COL25A1: variants seen among roughly 807,000 people sequenced by gnomAD.
COL25A1 encodes the protein collagen alpha-1(XXV) chain.
A neutral mutation model predicts 128.4 loss-of-function variants in COL25A1; 103 were observed. That is an observed-to-expected ratio of 0.80 (90% CI 0.68 to 0.94). The LOEUF is 0.94. Among genes scored for constraint, COL25A1 ranks in the 40% least tolerant of loss-of-function variants. The probability of loss-of-function intolerance (pLI) is 0.00; values close to 1 mark genes in which losing one functional copy is unlikely to be tolerated. For synonymous variants in COL25A1, 279 were observed against 277.2 expected, an observed-to-expected ratio of 1.01 and a Z score of -0.06; for missense variants, 745 against 840.0, an observed-to-expected ratio of 0.89 and a Z score of 1.40.
At chr4:108,851,013 G>T (rs74433941) in intron 26 of COL25A1, among the ~76,000 whole-genome samples, 1 of 151,916 alleles carries the variant, frequency 6.6e-6, no homozygotes, top group Non-Finnish European at 1.5e-5. Flanking sequence ...GACAATTTTG[G>T]TTCTGGAGTC....
At chr4:109,130,746 CCT>C (rs1220820140) in intron 3 of COL25A1, among the ~76,000 whole-genome samples, 4 of 152,082 alleles carry the variant, frequency 2.6e-5, no homozygotes, top group Non-Finnish European at 4.4e-5. Context: ...GAAAGAGGGA[CCT>C]AAAAAACTAA....
chr4:109,126,916 T>TA lies in COL25A1; in HGVS notation c.368-76738dup, dbSNP rs1004794893. Reference sequence around the variant, plus strand: ...AAAACTTAAAGTATAATAATAAAATTAAAAAAAAAAAGAAACGTCTCTCTT... The same window carrying TA: ...AAAACTTAAAGTATAATAATAAAATTAAAAAAAAAAAAGAAACGTCTCTCTT... On this transcript the variant is annotated intron_variant, in intron 3 of 37. Transcript: ENST00000399132. Among the ~76,000 whole-genome samples, 787 of 144,196 alleles carry TA rather than the reference T, an allele frequency of 5.5e-3. 4 individuals are homozygous for TA. The highest frequency in any genetic ancestry group is 0.016 in the African/African-American group (621 of 39,568). The allele number at this position is 144,196 out of a possible 152,430, so 94.6% of individuals were successfully genotyped here. A position where few individuals can be genotyped will look rare whatever the true frequency, so the allele number is the denominator to read the frequency against.
At chr4:109,299,377 T>C (rs1725294428) in intron 3 of COL25A1, among the ~76,000 whole-genome samples, 1 of 152,232 alleles carries the variant, frequency 6.6e-6, no homozygotes, top group Non-Finnish European at 1.5e-5. Flanking sequence ...TCTGTTTTTC[T>C]GGTACCTAAC....
chr4:109,076,399 A>G (rs954416679), intron 3 of COL25A1, among the ~76,000 whole-genome samples: 13 of 152,162 alleles, frequency 8.5e-5, no homozygotes, highest in African/African-American at 3.1e-4. Context: ...TTAATGTATT[A>G]ATCAATTTAT....
intron 3 of COL25A1, among the ~76,000 whole-genome samples, chr4:109,140,187 C>T (rs1039391640): frequency 4.6e-5 from 7 of 152,130 alleles, no homozygotes; most frequent in Admixed American, 3.3e-4. Flanking sequence ...GGTATATACC[C>T]AGTAATGGGA....
chr4:108,825,373 A>G (rs1466703708), intron 33 of COL25A1, 151 bp from the exon 34 acceptor site: 2 of 687,342 alleles, frequency 2.9e-6, no homozygotes, highest in East Asian at 5.2e-5. Flanking sequence ...AGTGACTGTT[A>G]GTGTTGCAGT....
intron 24 of COL25A1, among the ~76,000 whole-genome samples, chr4:108,855,590 C>T (rs529979256): frequency 1.9e-3 from 295 of 152,132 alleles, no homozygotes; most frequent in Non-Finnish European, 3.5e-3. Context: ...ATTCATTTTT[C>T]ACCTGAACAT....
intron 6 of COL25A1, among the ~76,000 whole-genome samples, chr4:108,990,643 A>G (rs1051468545): frequency 2.0e-5 from 3 of 152,314 alleles, no homozygotes; most frequent in East Asian, 3.9e-4. Flanking sequence ...ATATCAAGTC[A>G]TTATGGCTCT....
intron 6 of COL25A1, among the ~76,000 whole-genome samples, chr4:108,997,325 A>G (rs1754880641): frequency 6.6e-6 from 1 of 152,224 alleles, no homozygotes; most frequent in Non-Finnish European, 1.5e-5. Flanking sequence ...ACAAACTACC[A>G]TCAGAGAATA....
chr4:109,138,966 C>T (rs1770108434), intron 3 of COL25A1, among the ~76,000 whole-genome samples: 1 of 152,166 alleles, frequency 6.6e-6, no homozygotes, highest in African/African-American at 2.4e-5. Flanking sequence ...CTCGGCCTCC[C>T]AAAGTGCTGG....
chr4:108,810,951 T>C lies in COL25A1; in HGVS notation c.*2976A>G, dbSNP rs1459694047. The C allele has an allele frequency of 6.6e-6, 1 of 152,020 alleles. No homozygotes were observed. Among genetic ancestry groups the C allele is most frequent in the Non-Finnish European group, 1.5e-5 (1 of 67,892 alleles). 9.4% of individuals were successfully genotyped at this position (152,020 alleles called of 1,614,324 possible). On this transcript the variant is annotated 3_prime_UTR_variant, in exon 38 of 38. Coordinates refer to ENST00000399132, the MANE Select transcript of COL25A1 (RefSeq NM_198721.4). ...ACCAACCAACATAAATGAAAAACAA[T>C]TTTAAATCTAAAACACATATCAATT...
intron 5 of COL25A1, among the ~76,000 whole-genome samples, chr4:109,043,566 A>T (rs1429468922): frequency 7.2e-6 from 1 of 139,818 alleles, no homozygotes; most frequent in Non-Finnish European, 1.5e-5. Flanking sequence ...TGATAGACTG[A>T]TACAAATAAA....
At chr4:108,870,363 AG>A (rs751181109) in intron 19 of COL25A1, among the ~76,000 whole-genome samples, 5 of 152,066 alleles carry the variant, frequency 3.3e-5, no homozygotes, top group African/African-American at 4.8e-5. Context: ...GGGGAACAAA[AG>A]GATATCACCA....
intron 6 of COL25A1, among the ~76,000 whole-genome samples, chr4:108,978,534 G>A (rs1034221239): frequency 6.6e-6 from 1 of 151,282 alleles, no homozygotes; most frequent in Non-Finnish European, 1.5e-5. Context: ...TAAAATTGGG[G>A]TATTAATTTT....
intron 6 of COL25A1, among the ~76,000 whole-genome samples, chr4:108,990,836 T>G (rs923486344): frequency 6.6e-6 from 1 of 152,198 alleles, no homozygotes; most frequent in African/African-American, 2.4e-5. Context: ...GGAAAAAAGT[T>G]AACTTGTCCA....
intron 19 of COL25A1, among the ~76,000 whole-genome samples, chr4:108,875,168 A>G (rs892031405): frequency 1.3e-5 from 2 of 152,214 alleles, no homozygotes; most frequent in Non-Finnish European, 2.9e-5. Flanking sequence ...CTTCATGACT[A>G]AAACACCAAA....
At chr4:109,169,433 T>C (rs1773381023) in intron 3 of COL25A1, among the ~76,000 whole-genome samples, 1 of 152,222 alleles carries the variant, frequency 6.6e-6, no homozygotes, top group East Asian at 1.9e-4. Context: ...CTTCACTTGC[T>C]GTAGCTTACA....
At chr4:108,981,297 C>T (rs1455170658) in intron 6 of COL25A1, among the ~76,000 whole-genome samples, 2 of 152,192 alleles carry the variant, frequency 1.3e-5, no homozygotes, top group South Asian at 2.1e-4. Context: ...TCACCTTAAA[C>T]TCATACATAG....
chr4:109,129,086 T>C (rs1768915311), intron 3 of COL25A1, among the ~76,000 whole-genome samples: 1 of 152,148 alleles, frequency 6.6e-6, no homozygotes, highest in Non-Finnish European at 1.5e-5. Flanking sequence ...TGGGAATCAG[T>C]GAAATAATTC....
Sources: gnomAD v4.1 joint callset for allele counts (sites outside exome capture counted in the v4.1 genomes callset) on GRCh38, gnomAD v4.1.1 for gene constraint, MANE v1.5 for transcripts, NCBI Gene and HGNC (gene_info 2026-07-23, HGNC 2026-07-21) for gene names.